ROBO2: variants seen among roughly 807,000 people sequenced by gnomAD.
The protein encoded by ROBO2 is roundabout guidance receptor 2, also known as roundabout homolog 2.
Under a neutral mutation model 160.8 loss-of-function variants are expected in ROBO2, and 53 were observed. The ratio of observed to expected loss-of-function variants is 0.33; its 90% CI spans 0.26 to 0.41. The LOEUF (loss-of-function observed/expected upper bound fraction) is 0.41, where lower values mean the gene tolerates loss of function less well. Ranked by LOEUF, ROBO2 falls within the 10% of genes least tolerant of loss-of-function variation. The pLI is 1.00. For synonymous variants in ROBO2, 664 were observed against 611.7 expected, an observed-to-expected ratio of 1.09 and a Z score of -1.26; for missense variants, 1,577 against 1,722.4, an observed-to-expected ratio of 0.92 and a Z score of 1.49.
At chr3:76,044,360 A>C (rs1329595940) in intron 2 of ROBO2, among the ~76,000 whole-genome samples, 1 of 152,046 alleles carries the variant, frequency 6.6e-6, no homozygotes, top group Non-Finnish European at 1.5e-5. Context: ...AGCAATGTTG[A>C]ATAAAGAGTA....
intron 2 of ROBO2, among the ~76,000 whole-genome samples, chr3:76,890,971 A>G (rs2074302589): frequency 6.6e-6 from 1 of 152,178 alleles, no homozygotes; most frequent in East Asian, 1.9e-4. Flanking sequence ...TTGTGAAATT[A>G]AGACAAATCT....
chr3:77,549,855 A>C lies in ROBO2; in HGVS notation c.1060-963A>C, dbSNP rs186039041. ...TGAAACTGTTTAATTACAAACCTGG[A>C]AAATTAATTACTATATGGAGAAACA... On this transcript the variant is annotated intron_variant, in intron 7 of 25. Coordinates refer to ENST00000461745, the Ensembl canonical transcript of ROBO2. 9.9e-5 allele frequency among the ~76,000 whole-genome samples: 15 copies of C among 152,156 alleles called. 1 individual carries two copies. Among genetic ancestry groups the C allele is most frequent in the African/African-American group, 3.4e-4 (14 of 41,554 alleles).
chr3:76,303,328 GT>G (rs1301889096), intron 2 of ROBO2, among the ~76,000 whole-genome samples: 1 of 151,840 alleles, frequency 6.6e-6, no homozygotes, highest in Non-Finnish European at 1.5e-5. Flanking sequence ...ATTTTAAAAG[GT>G]TTAAACTTTA....
intron 2 of ROBO2, among the ~76,000 whole-genome samples, chr3:77,458,374 G>A (rs930456047): frequency 5.9e-5 from 9 of 152,262 alleles, no homozygotes; most frequent in African/African-American, 1.9e-4. Context: ...TTTTAATAAC[G>A]GTGAATGAGG....
At chr3:76,185,489 C>T (rs745529560) in intron 2 of ROBO2, among the ~76,000 whole-genome samples, 1 of 151,678 alleles carries the variant, frequency 6.6e-6, no homozygotes, top group Admixed American at 6.6e-5. Flanking sequence ...AGAAAATTAG[C>T]ACTAAAGCAT....
chr3:76,117,440 ACT>A (rs1340215242), intron 2 of ROBO2, among the ~76,000 whole-genome samples: 3 of 152,184 alleles, frequency 2.0e-5, no homozygotes, highest in African/African-American at 7.2e-5. Flanking sequence ...GTTTATAGTT[ACT>A]GTTTCCAACA....
At chr3:76,718,489 G>T (rs1296749592) in intron 2 of ROBO2, among the ~76,000 whole-genome samples, 1 of 152,094 alleles carries the variant, frequency 6.6e-6, no homozygotes, top group African/African-American at 2.4e-5. Flanking sequence ...TTTCTTAGTT[G>T]AAAGATAGAC....
chr3:76,654,343 A>G (rs1318874229), intron 2 of ROBO2, among the ~76,000 whole-genome samples: 6 of 152,182 alleles, frequency 3.9e-5, no homozygotes, highest in Admixed American at 3.9e-4. Context: ...AGTTAATTAC[A>G]GAGGTACTTT....
intron 5 of ROBO2, among the ~76,000 whole-genome samples, chr3:77,519,164 T>A (rs1464237645): frequency 1.3e-5 from 2 of 151,446 alleles, no homozygotes; most frequent in East Asian, 3.9e-4. Context: ...AATCATAGAA[T>A]GCACAATTAC....
intron 2 of ROBO2, among the ~76,000 whole-genome samples, chr3:76,491,031 C>G (rs2079791940): frequency 6.6e-6 from 1 of 151,762 alleles, no homozygotes; most frequent in African/African-American, 2.4e-5. Context: ...GCGATCTTGG[C>G]TTACTGCAAC....
intron 2 of ROBO2, among the ~76,000 whole-genome samples, chr3:75,945,201 A>G (rs76351979): frequency 2.0e-5 from 3 of 152,186 alleles, no homozygotes; most frequent in African/African-American, 4.8e-5. Context: ...ATAACAGACA[A>G]TGAGCCACAT....
intron 17 of ROBO2, among the ~76,000 whole-genome samples, chr3:77,590,977 G>A (rs549249007): frequency 6.6e-6 from 1 of 152,038 alleles, no homozygotes; most frequent in Non-Finnish European, 1.5e-5. Flanking sequence ...TTGGAGTAAG[G>A]CCAAGCCAGA....
chr3:76,362,551 T>C (rs1015840586), intron 2 of ROBO2, among the ~76,000 whole-genome samples: 8 of 152,058 alleles, frequency 5.3e-5, no homozygotes, highest in Non-Finnish European at 1.5e-5. Flanking sequence ...AATTGTCTTA[T>C]TTATAAGGGG....
At chr3:77,014,297 C>A (rs1320403469) in intron 2 of ROBO2, among the ~76,000 whole-genome samples, 3 of 152,286 alleles carry the variant, frequency 2.0e-5, no homozygotes, top group African/African-American at 7.2e-5. Flanking sequence ...CTTCATTTGA[C>A]ATTCCTCTCT....
At chr3:76,913,376 CCTG>C (rs2076110292) in intron 2 of ROBO2, among the ~76,000 whole-genome samples, 1 of 152,126 alleles carries the variant, frequency 6.6e-6, no homozygotes, top group African/African-American at 2.4e-5. Flanking sequence ...TCAATGACTC[CCTG>C]CTGCTAATTC....
At chr3:77,086,774 G>A (rs967201519) in intron 1 of ROBO2, among the ~76,000 whole-genome samples, 7 of 152,084 alleles carry the variant, frequency 4.6e-5, no homozygotes, top group Admixed American at 1.3e-4. Flanking sequence ...TTTTCTGGTC[G>A]TGATTTAGCC....
intron 2 of ROBO2, among the ~76,000 whole-genome samples, chr3:76,424,998 G>T (rs2108961327): frequency 6.6e-6 from 1 of 152,184 alleles, no homozygotes; most frequent in African/African-American, 2.4e-5. Flanking sequence ...TGGTGTTTTT[G>T]TAGGTCTAAA....
intron 2 of ROBO2, among the ~76,000 whole-genome samples, chr3:76,308,711 A>T (rs1394619322): frequency 6.6e-6 from 1 of 152,172 alleles, no homozygotes; most frequent in Non-Finnish European, 1.5e-5. Flanking sequence ...CTCCAGCAGA[A>T]CTTCAAACTT....
chr3:76,003,894 A>G (rs547913547), intron 2 of ROBO2, among the ~76,000 whole-genome samples: 10 of 152,366 alleles, frequency 6.6e-5, no homozygotes, highest in African/African-American at 2.4e-4. Flanking sequence ...GATGCCCTAT[A>G]TAGCTACTAG....
Sources: allele counts gnomAD v4.1 joint callset (sites outside exome capture counted in the v4.1 genomes callset), GRCh38; gene constraint gnomAD v4.1.1; transcripts MANE v1.5; gene names NCBI Gene and HGNC (gene_info 2026-07-23, HGNC 2026-07-21).